TNIK: variants seen among roughly 807,000 people sequenced by gnomAD.
The protein encoded by TNIK is TRAF2 and NCK interacting kinase, also known as TRAF2 and NCK-interacting protein kinase.
A neutral mutation model predicts 191.3 loss-of-function variants in TNIK; 49 were observed. The ratio of observed to expected loss-of-function variants is 0.26; its 90% confidence interval spans 0.20 to 0.32. The LOEUF is 0.32. Among genes scored for constraint, TNIK ranks in the 10% least tolerant of loss-of-function variants. TNIK has a pLI of 1.00. For missense variants in TNIK, 1,155 were observed against 1,702.3 expected (o/e 0.68, Z 5.66); for synonymous variants, 594 against 600.9 (o/e 0.99, Z 0.17).
intron 9 of TNIK, among the ~76,000 whole-genome samples, chr3:171,167,533 A>G (rs1463750818): frequency 6.6e-6 from 1 of 152,248 alleles, no homozygotes; most frequent in Non-Finnish European, 1.5e-5. Context: ...GTAACATTAC[A>G]TAGCAGACCA....
Position 171,138,221 on chromosome 3 carries a change from A to G in TNIK, c.1578T>C (p.Ser526=). The G allele has an allele frequency of 6.2e-7, 1 of 1,611,298 alleles. No homozygotes were observed. The highest frequency in any genetic ancestry group is 8.5e-7 in the Non-Finnish European group (1 of 1,179,194). Residue 526 remains serine, a synonymous_variant, in exon 15 of 33, where the codon AGT becomes AGC. Transcript: ENST00000436636. The part of the protein sequence containing the change: ...KPLYHYKEGM[S]PSEKPAWAKE... The stretch of plus-strand genomic sequence containing the variant: ...TGGCCCATGCTGGCTTCTCACTAGG[A>G]CTCATTCCTTCTTTGTAATGGTACA...
At chr3:171,408,149 T>A (rs962145779) in intron 1 of TNIK, among the ~76,000 whole-genome samples, 1 of 152,168 alleles carries the variant, frequency 6.6e-6, no homozygotes, top group Non-Finnish European at 1.5e-5. Flanking sequence ...AAATATAACA[T>A]CTCTCACATA....
intron 2 of TNIK, among the ~76,000 whole-genome samples, chr3:171,232,227 G>A (rs1187943732): frequency 6.6e-6 from 1 of 151,896 alleles, no homozygotes; most frequent in African/African-American, 2.4e-5. Flanking sequence ...TTGCACGTCT[G>A]TACACCCAGC....
chr3:171,196,879 C>CGA (rs1738745962), intron 4 of TNIK, among the ~76,000 whole-genome samples: 1 of 152,002 alleles, frequency 6.6e-6, no homozygotes, highest in Non-Finnish European at 1.5e-5. Flanking sequence ...CTCAGCCTCT[C>CGA]GAGTAGCTGG....
At chr3:171,169,998 C>G (rs1424374460) in intron 9 of TNIK, among the ~76,000 whole-genome samples, 1 of 152,146 alleles carries the variant, frequency 6.6e-6, no homozygotes, top group Admixed American at 6.5e-5. Flanking sequence ...ACCAAAGAAT[C>G]AATATGCTTA....
intron 2 of TNIK, among the ~76,000 whole-genome samples, chr3:171,331,493 A>G (rs1432584797): frequency 1.3e-5 from 2 of 152,216 alleles, no homozygotes; most frequent in African/African-American, 4.8e-5. Context: ...TCTAAAACTC[A>G]TATCCATTAT....
At chr3:171,183,742 G>A (rs1296907276) in intron 7 of TNIK, among the ~76,000 whole-genome samples, 1 of 151,966 alleles carries the variant, frequency 6.6e-6, no homozygotes, top group South Asian at 2.1e-4. Context: ...CCAACACAGT[G>A]AAACCCTGTC....
At chr3:171,358,360 G>A (rs575322810) in intron 2 of TNIK, among the ~76,000 whole-genome samples, 9 of 152,130 alleles carry the variant, frequency 5.9e-5, no homozygotes, top group African/African-American at 1.4e-4. Flanking sequence ...AATGAGGAGC[G>A]AAGTCACATC....
intron 28 of TNIK, among the ~76,000 whole-genome samples, chr3:171,077,069 GT>G (rs774899822): frequency 2.5e-4 from 34 of 136,490 alleles, no homozygotes; most frequent in Non-Finnish European, 4.6e-4. Context: ...TTCCTTTCTT[GT>G]TCCCCCCCCC....
At position 171,347,087 on chromosome 3, in the gene TNIK, G is replaced by T. The variant is rs542772606; in HGVS notation, c.123+22533C>A. ...GTGGTGGCAGAGACAGAAAACAGAA[G>T]AGAGAAATCAGGAACCATTTAGGAA... On this transcript the variant is annotated intron_variant, in intron 2 of 32. Transcript: ENST00000436636. 4.7e-6 allele frequency: 7 copies of T among 1,488,768 alleles called. No homozygotes were observed. The East Asian group carries it at 1.7e-4, about 37-fold the overall frequency. 92.2% of individuals were successfully genotyped at this position (1,488,768 alleles called of 1,614,324 possible).
At chr3:171,231,321 T>TG (rs958217671) in intron 2 of TNIK, among the ~76,000 whole-genome samples, 9 of 151,980 alleles carry the variant, frequency 5.9e-5, no homozygotes, top group African/African-American at 2.2e-4. Context: ...TGTTTTGTTT[T>TG]TTTTTTTGTT....
chr3:171,320,615 T>C (rs1382554142), intron 2 of TNIK, among the ~76,000 whole-genome samples: 1 of 135,408 alleles, frequency 7.4e-6, no homozygotes, highest in African/African-American at 2.8e-5. Context: ...ACATGATTTA[T>C]GGAAAAAAAC....
At chr3:171,339,531 G>A (rs2010071) in intron 2 of TNIK, among the ~76,000 whole-genome samples, 40,904 of 152,098 alleles carry the variant, frequency 0.27, 5,773 homozygotes, top group East Asian at 0.43. Flanking sequence ...AGAGATCTGC[G>A]TCTGTTTGTG....
chr3:171,300,375 A>AATC (rs2108267923), intron 2 of TNIK, among the ~76,000 whole-genome samples: 1 of 152,300 alleles, frequency 6.6e-6, no homozygotes, highest in East Asian at 1.9e-4. Flanking sequence ...TGAGAGTGAG[A>AATC]ATCATCATGA....
chr3:171,321,022 G>A (rs1755117582), intron 2 of TNIK, among the ~76,000 whole-genome samples: 1 of 152,162 alleles, frequency 6.6e-6, no homozygotes, highest in Admixed American at 6.6e-5. Context: ...GTAGCTCAGA[G>A]GCTGTGACAT....
rs1386672360 is a variant in TNIK, at chr3:171,167,106, C to T, written c.938G>A (p.Arg313Gln). The T allele has an allele frequency of 3.1e-6, 5 of 1,609,274 alleles. No homozygotes were observed. The highest frequency in any genetic ancestry group is 4.2e-6 in the Non-Finnish European group (5 of 1,177,882). Residue 313 changes from arginine (R) to glutamine (Q), a missense_variant, in exon 10 of 33, where the codon CGA becomes CAA. This residue lies in a region of TNIK where 225 missense variants were observed against 438.9 expected (regional missense o/e 0.51). Transcript: ENST00000436636. ...KDHIDRTKKKRGEKDETEYEY... is the reference protein window; with the variant it reads ...KDHIDRTKKKQGEKDETEYEY... ...AATGTGCGTCTAACCTTTTTCTCCT[C>T]GCTTCTTCTTTGTTCTATCAATATG...
intron 1 of TNIK, among the ~76,000 whole-genome samples, chr3:171,435,797 C>T (rs1009108980): frequency 1.3e-5 from 2 of 152,164 alleles, no homozygotes; most frequent in African/African-American, 4.8e-5. Context: ...AAGAAACACA[C>T]ATTATTGCTT....
At chr3:171,423,257 T>C (rs1169737150) in intron 1 of TNIK, among the ~76,000 whole-genome samples, 1 of 152,026 alleles carries the variant, frequency 6.6e-6, no homozygotes, top group Non-Finnish European at 1.5e-5. Context: ...ATAAAATACC[T>C]AGGAATCCAA....
chr3:171,321,714 T>G (rs1481394911), intron 2 of TNIK, among the ~76,000 whole-genome samples: 1 of 152,146 alleles, frequency 6.6e-6, no homozygotes, highest in African/African-American at 2.4e-5. Context: ...ATTACCAGAT[T>G]AACACACCAG....
Sources: allele counts gnomAD v4.1 joint callset (sites outside exome capture counted in the v4.1 genomes callset), GRCh38; gene constraint gnomAD v4.1.1; regional missense constraint gnomAD v4.1.1; transcripts MANE v1.5; gene names NCBI Gene and HGNC (gene_info 2026-07-23, HGNC 2026-07-21).